The following ROS1 variants were observed in gnomAD, a reference collection of about 807,000 sequenced individuals.
ROS1 encodes the protein proto-oncogene tyrosine-protein kinase ROS.
Under a neutral mutation model 273.5 loss-of-function variants are expected in ROS1, and 263 were observed. That is an observed-to-expected ratio of 0.96 (90% CI 0.87 to 1.06). The LOEUF (loss-of-function observed/expected upper bound fraction) is 1.06, where lower values mean the gene tolerates loss of function less well. Among genes scored for constraint, ROS1 ranks in the 50% least tolerant of loss-of-function variants. The pLI, the probability that ROS1 is intolerant of heterozygous loss-of-function variation, is 0.00. For missense variants in ROS1, 2,833 were observed against 2,751.1 expected, an observed-to-expected ratio of 1.03 and a Z score of -0.67; for synonymous variants, 1,008 against 954.1, an observed-to-expected ratio of 1.06 and a Z score of -1.04.
chr6:117,336,155 T>C (rs1777444013), intron 32 of ROS1, among the ~76,000 whole-genome samples: 1 of 152,100 alleles, frequency 6.6e-6, no homozygotes, highest in South Asian at 2.1e-4. Flanking sequence ...TTCCCTCCAT[T>C]CTTTTTTTCA....
chr6:117,348,866 A>C (rs140252043), intron 27 of ROS1, among the ~76,000 whole-genome samples: 104 of 152,076 alleles, frequency 6.8e-4, no homozygotes, highest in African/African-American at 2.4e-3. Context: ...TACGTTGTTT[A>C]ATCTCCAAGT....
chr6:117,326,091 TTATATATATA>T (rs56113300), intron 34 of ROS1, 123 bp downstream of exon 34: 1,754 of 148,110 alleles, frequency 0.012, 11 homozygotes, highest in Middle Eastern at 0.022. Context: ...GATAATAAGA[TTATATATATA>T]TATATATATA....
chr6:117,405,395 T>C (rs1774316232), intron 5 of ROS1, among the ~76,000 whole-genome samples: 1 of 152,210 alleles, frequency 6.6e-6, no homozygotes, highest in South Asian at 2.1e-4. Context: ...ATAGTCCATT[T>C]TTGACTATTA....
intron 4 of ROS1, among the ~76,000 whole-genome samples, chr6:117,413,096 A>T (rs2128740702): frequency 6.6e-6 from 1 of 152,220 alleles, no homozygotes; most frequent in South Asian, 2.1e-4. Flanking sequence ...TTTTATAACC[A>T]ACCAGTAACA....
intron 35 of ROS1, among the ~76,000 whole-genome samples, chr6:117,322,284 C>T (rs1286339685): frequency 6.6e-6 from 1 of 152,118 alleles, no homozygotes; most frequent in African/African-American, 2.4e-5. Flanking sequence ...CACCTCGCTT[C>T]ACTTTTAAAG....
At chr6:117,369,023 G>A (rs1780507002) in intron 18 of ROS1, among the ~76,000 whole-genome samples, 1 of 151,878 alleles carries the variant, frequency 6.6e-6, no homozygotes, top group Admixed American at 6.6e-5. Context: ...AATTACATAT[G>A]TGACTTGCAT....
intron 32 of ROS1, among the ~76,000 whole-genome samples, chr6:117,332,615 T>C (rs1038834318): frequency 6.6e-6 from 1 of 152,044 alleles, no homozygotes; most frequent in African/African-American, 2.4e-5. Context: ...CCTCAGCAAA[T>C]GCAAAAGAGC....
intron 5 of ROS1, among the ~76,000 whole-genome samples, chr6:117,408,758 T>C (rs898547753): frequency 1.3e-5 from 2 of 152,138 alleles, no homozygotes; most frequent in Non-Finnish European, 2.9e-5. Flanking sequence ...TAAAGACACA[T>C]GCACACGTAT....
intron 43 of ROS1, among the ~76,000 whole-genome samples, chr6:117,293,815 AT>A (rs1774009611): frequency 6.6e-6 from 1 of 152,166 alleles, no homozygotes; most frequent in Non-Finnish European, 1.5e-5. Context: ...TTTGAGCCTT[AT>A]CTGTCAAAAA....
At chr6:117,323,010 A>G (rs1167226594) in intron 35 of ROS1, among the ~76,000 whole-genome samples, 1 of 152,158 alleles carries the variant, frequency 6.6e-6, no homozygotes, top group Non-Finnish European at 1.5e-5. Context: ...TCTTCATGTA[A>G]TTCTCCTTCC....
At position 117,416,275 on chromosome 6, in the gene ROS1, T is replaced by G. The variant is rs753306008; in HGVS notation, c.211A>C (p.Asn71His). 2 of 1,595,296 alleles carry G rather than the reference T, an allele frequency of 1.3e-6. No individual in the cohort carries two copies. The highest frequency in any genetic ancestry group is 3.3e-5 in the Admixed American group (2 of 59,922). Residue 71 changes from asparagine (N) to histidine (H), a missense_variant, in exon 3 of 44, where the codon AAC becomes CAC. Coordinates refer to ENST00000368507, the MANE Select transcript of ROS1 (RefSeq NM_001378902.1). ...ATACTTACACACTTTAAAGCACAGTTTTTCTGATCTACAGAGTTCCAAAAG... is the reference window on the plus strand; with the variant it reads ...ATACTTACACACTTTAAAGCACAGTGTTTCTGATCTACAGAGTTCCAAAAG... ...CHFWNSVDQK[N>H]CALKCNDTYA...
In ROS1 at chr6:117,300,086, C is replaced by CTTTTTTTTTT. The variant is rs10700318; in HGVS notation, c.6715+878_6715+887dup. On this transcript the variant is annotated intron_variant, in intron 43 of 43. Coordinates refer to ENST00000368507, the MANE Select transcript of ROS1 (RefSeq NM_001378902.1). The stretch of plus-strand genomic sequence containing the variant: ...TACAGGCGCCCGCCACCAGGACAGG[C>CTTTTTTTTTT]TTTTTTTTTTTTTTTTTTTTTTTTT... Among the ~76,000 whole-genome samples the CTTTTTTTTTT allele has an allele frequency of 8.5e-4, 27 of 31,836 alleles. 1 individual carries two copies. Among genetic ancestry groups the CTTTTTTTTTT allele is most frequent in the Non-Finnish European group, 9.0e-4 (17 of 18,802 alleles). The allele number at this position is 31,836 out of a possible 152,430, so 20.9% of individuals were successfully genotyped here. A position where few individuals can be genotyped will look rare whatever the true frequency, so the allele number is the denominator to read the frequency against.
chr6:117,394,654 T>A lies in ROS1; in HGVS notation c.968A>T (p.His323Leu), dbSNP rs140108938. 1 of 1,611,612 alleles carries A rather than the reference T, an allele frequency of 6.2e-7. No individual in the cohort carries two copies. Among genetic ancestry groups the A allele is most frequent in the African/African-American group, 1.3e-5 (1 of 74,848 alleles). ...RSLKHLVDEA[H>L]CLRLDAIYHN... is the part of the protein sequence containing the mutation. ...GTATATAGCATCCAACCGAAGGCAA[T>A]GTGCTTCATCTACTAAATGTTTTAA... The change falls in exon 10 of 44, where the codon CAT (histidine) becomes CTT (leucine). Residue 323 changes from histidine (H) to leucine (L), a missense_variant. Transcript: ENST00000368507.
rs773838126 is a variant in ROS1, at chr6:117,387,766, G to T, written c.1999+14C>A. The T allele has an allele frequency of 6.2e-7, 1 of 1,608,134 alleles. No homozygotes were observed. The highest frequency in any genetic ancestry group is 8.5e-7 in the Non-Finnish European group (1 of 1,177,908). On this transcript the variant is annotated intron_variant, in intron 14 of 43. Coordinates refer to ENST00000368507, the MANE Select transcript of ROS1 (RefSeq NM_001378902.1). ...TTGTGAGAGTCACTCCCTAAATCCAGAACATTTTCTCACCTGGCACCAGGG... is the reference window on the plus strand; with the variant it reads ...TTGTGAGAGTCACTCCCTAAATCCATAACATTTTCTCACCTGGCACCAGGG...
chr6:117,324,766 A>G (rs559280986), intron 34 of ROS1, among the ~76,000 whole-genome samples: 3 of 152,178 alleles, frequency 2.0e-5, no homozygotes, highest in Non-Finnish European at 4.4e-5. Context: ...ATTATTTTGT[A>G]TAATATCTTC....
chr6:117,307,506 T>C (rs1017831262), intron 42 of ROS1, among the ~76,000 whole-genome samples: 1 of 152,168 alleles, frequency 6.6e-6, no homozygotes, highest in South Asian at 2.1e-4. Context: ...TCTTAAACCC[T>C]ACATGAAAGG....
Position 117,360,005 on chromosome 6 carries a change from T to G in ROS1, c.3437A>C (p.Asn1146Thr). The G allele has an allele frequency of 6.2e-7, 1 of 1,612,762 alleles. No individual in the cohort carries two copies. Among genetic ancestry groups the G allele is most frequent in the Non-Finnish European group, 8.5e-7 (1 of 1,179,376 alleles). ...AAGAGTTATGAGGTGAGGAAATGGG[T>G]TGATTTCTGAAAGCAAAAAAACATG... is the stretch of plus-strand genomic sequence containing the variant. ...DVVKSTTSEI[N>T]PFPHLITLLG... is the part of the protein sequence containing the mutation. The change falls in exon 24 of 44, where the codon AAC becomes ACC. Residue 1146 changes from asparagine to threonine, a missense_variant. Transcript: ENST00000368507.
rs11968712 is a variant in ROS1, at chr6:117,341,042, G to T, written c.5061+93C>A. The T allele has an allele frequency of 2.9e-3, 2,255 of 782,930 alleles. 31 individuals are homozygous for T. In the African/African-American group the frequency reaches 0.032, roughly 11 times the overall value. 48.5% of individuals were successfully genotyped at this position (782,930 alleles called of 1,614,324 possible). A position where few individuals can be genotyped will look rare whatever the true frequency, so the allele number is the denominator to read the frequency against. On this transcript the variant is annotated intron_variant, in intron 31 of 43. Transcript: ENST00000368507. ...ATCAATGAAAGTTGTCAAATATATTGTTTATTTATACATGAGCATGTTCTA... is the reference window on the plus strand; with the variant it reads ...ATCAATGAAAGTTGTCAAATATATTTTTTATTTATACATGAGCATGTTCTA...
chr6:117,411,142 T>C (rs932704141), intron 4 of ROS1, among the ~76,000 whole-genome samples: 9 of 152,098 alleles, frequency 5.9e-5, no homozygotes, highest in African/African-American at 2.2e-4. Context: ...AAATCGATAA[T>C]AAAATTCCCA....
Sources: gnomAD v4.1 joint callset for allele counts (sites outside exome capture counted in the v4.1 genomes callset) on GRCh38, gnomAD v4.1.1 for gene constraint, MANE v1.5 for transcripts, NCBI Gene and HGNC (gene_info 2026-07-23, HGNC 2026-07-21) for gene names.